TESPA1: variants seen among roughly 807,000 people sequenced by gnomAD.
The protein encoded by TESPA1 is thymocyte expressed, positive selection associated 1, also known as protein TESPA1.
In TESPA1, 33 loss-of-function variants were observed where a neutral mutation model predicts 57.9. The observed-to-expected ratio is 0.57, with a 90% confidence interval of 0.43 to 0.76. The LOEUF (loss-of-function observed/expected upper bound fraction) is 0.76, where lower values mean the gene tolerates loss of function less well. Ranked by LOEUF, TESPA1 falls within the 30% of genes least tolerant of loss-of-function variation. The probability of loss-of-function intolerance (pLI) is 0.00; values close to 1 mark genes in which losing one functional copy is unlikely to be tolerated. For missense variants in TESPA1, 618 were observed against 632.9 expected (o/e 0.98, Z 0.25); for synonymous variants, 227 against 228.9 (o/e 0.99, Z 0.07).
intron 10 of TESPA1, among the ~76,000 whole-genome samples, chr12:54,951,786 C>T (rs927480269): frequency 2.0e-5 from 3 of 151,558 alleles, no homozygotes; most frequent in Admixed American, 6.6e-5. Flanking sequence ...TTTTTCTAAT[C>T]AATATTGCTC....
intron 10 of TESPA1, among the ~76,000 whole-genome samples, chr12:54,956,427 G>T (rs143684311): frequency 6.6e-6 from 1 of 152,288 alleles, no homozygotes; most frequent in African/African-American, 2.4e-5. Flanking sequence ...CTTTCTCCTT[G>T]GCTCTGCCGC....
intron 1 of TESPA1, among the ~76,000 whole-genome samples, chr12:54,975,787 A>C (rs967968082): frequency 6.6e-6 from 1 of 152,236 alleles, no homozygotes; most frequent in African/African-American, 2.4e-5. Flanking sequence ...CATCCAACAA[A>C]ATAGGCATTA....
intron 10 of TESPA1, among the ~76,000 whole-genome samples, chr12:54,957,750 G>A (rs1035746500): frequency 2.6e-5 from 4 of 152,136 alleles, no homozygotes; most frequent in African/African-American, 9.7e-5. Flanking sequence ...TAACTTACTT[G>A]AGAGAAAAAG....
intron 10 of TESPA1, among the ~76,000 whole-genome samples, chr12:54,960,143 T>C (rs138074750): frequency 6.6e-6 from 1 of 152,360 alleles, no homozygotes; most frequent in East Asian, 1.9e-4. Flanking sequence ...AAGATTTATT[T>C]ACTTAATTCA....
chr12:54,951,863 A>G (rs72648122), intron 10 of TESPA1, among the ~76,000 whole-genome samples: 29,785 of 144,688 alleles, frequency 0.21, 5,045 homozygotes, highest in East Asian at 0.83. Flanking sequence ...TTTTTTTTTT[A>G]CTTCAGATTC....
intron 5 of TESPA1, among the ~76,000 whole-genome samples, chr12:54,966,735 T>TC (rs1436944286): frequency 5.3e-5 from 8 of 152,158 alleles, no homozygotes; most frequent in African/African-American, 1.9e-4. Flanking sequence ...AGTGTTCCTG[T>TC]CCCCCTACAC....
chr12:54,970,070 G>T (rs1951734647), intron 3 of TESPA1, among the ~76,000 whole-genome samples: 1 of 152,146 alleles, frequency 6.6e-6, no homozygotes, highest in Non-Finnish European at 1.5e-5. Context: ...AGGACTAAAG[G>T]TGCTGCCATG....
At chr12:54,977,483 G>A (rs566481240) in intron 1 of TESPA1, among the ~76,000 whole-genome samples, 162 of 152,322 alleles carry the variant, frequency 1.1e-3, no homozygotes, top group African/African-American at 3.7e-3. Flanking sequence ...TGAGAACAAA[G>A]ATTGCATTTT....
intron 1 of TESPA1, 130 bp from the exon 2 acceptor site, chr12:54,974,737 G>T: frequency 3.8e-6 from 2 of 521,552 alleles, no homozygotes; most frequent in Non-Finnish European, 6.0e-6. Flanking sequence ...CAAAAGCAGG[G>T]AGGACATGCC....
intron 1 of TESPA1, among the ~76,000 whole-genome samples, chr12:54,979,070 C>T (rs1396168350): frequency 6.6e-6 from 1 of 152,150 alleles, no homozygotes; most frequent in African/African-American, 2.4e-5. Flanking sequence ...GGCCTTGGAT[C>T]CTAATGTACA....
intron 10 of TESPA1, among the ~76,000 whole-genome samples, chr12:54,951,794 C>T (rs1950410600): frequency 1.3e-5 from 2 of 151,686 alleles, no homozygotes; most frequent in Admixed American, 1.3e-4. Flanking sequence ...ATCAATATTG[C>T]TCCTTTATAT....
chr12:54,969,021 G>GTGTGTATA (rs370590552), intron 3 of TESPA1, among the ~76,000 whole-genome samples: 1 of 83,676 alleles, frequency 1.2e-5, no homozygotes, highest in African/African-American at 4.6e-5. Flanking sequence ...ATTTATATAT[G>GTGTGTATA]TATATATATA....
At chr12:54,980,420 C>T (rs983838599) in intron 1 of TESPA1, among the ~76,000 whole-genome samples, 6 of 152,166 alleles carry the variant, frequency 3.9e-5, no homozygotes, top group Non-Finnish European at 7.3e-5. Context: ...AGGAGAGAAT[C>T]TGCCTGGAAT....
Position 54,973,484 on chromosome 12 carries a change from C to G in TESPA1, c.199G>C (p.Asp67His), listed in dbSNP as rs1274769108. The G allele has an allele frequency of 6.2e-7, 1 of 1,613,992 alleles. No individual in the cohort carries two copies. The change falls in exon 3 of 11, where the codon GAT becomes CAT. Residue 67 changes from aspartate (D) to histidine (H), a missense_variant. Coordinates refer to ENST00000449076, the MANE Select transcript of TESPA1 (RefSeq NM_001136030.3). The stretch of plus-strand genomic sequence containing the variant: ...TGCCTGTCCAGCACTTACCCGCAAT[C>G]CTGCAGCCAGTCTTCAATTTTATTG... ...PINKIEDWLQDCGYSEEGFSE... is the reference protein window; with the variant it reads ...PINKIEDWLQHCGYSEEGFSE...
At position 54,949,044 on chromosome 12, in the gene TESPA1, C is replaced by A. The variant is rs1200804080; in HGVS notation, c.*1348G>T. The A allele has an allele frequency of 1.3e-5, 2 of 152,020 alleles. No individual in the cohort carries two copies. Among genetic ancestry groups the A allele is most frequent in the Non-Finnish European group, 2.9e-5 (2 of 68,024 alleles). 9.4% of individuals were successfully genotyped at this position (152,020 alleles called of 1,614,324 possible). A position where few individuals can be genotyped will look rare whatever the true frequency, so the allele number is the denominator to read the frequency against. ...GTTAACATCAAGGAAGATAGTTCCC[C>A]TGTCTCCTGGTTTCTGTGGGTGGGA... On this transcript the variant is annotated 3_prime_UTR_variant, in exon 11 of 11. Transcript: ENST00000449076.
intron 2 of TESPA1, 53 bp from the exon 3 acceptor site, chr12:54,973,572 C>T (rs1425755654): frequency 4.3e-6 from 7 of 1,613,214 alleles, no homozygotes; most frequent in Non-Finnish European, 5.9e-6. Context: ...ATCAGACCTC[C>T]TCCCTGCAAC....
In TESPA1 at chr12:54,948,917, G is replaced by T. The variant is rs1433367099; in HGVS notation, c.*1475C>A. ...TATTTGCTTTAGAAAATTTGCTGTA[G>T]TTCTTTCTATTTCTTGAGATCTAAA... On this transcript the variant is annotated 3_prime_UTR_variant, in exon 11 of 11. Transcript: ENST00000449076. 1 of 152,118 alleles carries T rather than the reference G, an allele frequency of 6.6e-6. No individual in the cohort carries two copies. Among genetic ancestry groups the T allele is most frequent in the African/African-American group, 2.4e-5 (1 of 41,414 alleles). The allele number at this position is 152,118 out of a possible 1,614,324, so 9.4% of individuals were successfully genotyped here.
chr12:54,962,900 T>A lies in TESPA1; in HGVS notation c.998A>T (p.Asp333Val), dbSNP rs1280746897. ...CTGTGAGAATTGCCCCAAATCAGAG[T>A]CTTGCTGGAGGAACTGCTTCTCTTC... The part of the protein sequence containing the change: ...VKEEKQFLQQ[D>V]SDLGQFSQED... Residue 333 changes from aspartate to valine, a missense_variant, in exon 9 of 11, where the codon GAC (aspartate) becomes GTC (valine). Transcript: ENST00000449076. 7.4e-6 allele frequency: 12 copies of A among 1,613,504 alleles called. No homozygotes were observed. The highest frequency in any genetic ancestry group is 9.3e-6 in the Non-Finnish European group (11 of 1,179,730).
At chr12:54,983,588 G>T (rs1175129737) in intron 1 of TESPA1, among the ~76,000 whole-genome samples, 1 of 152,232 alleles carries the variant, frequency 6.6e-6, no homozygotes, top group South Asian at 2.1e-4. Flanking sequence ...ACCATTTGTG[G>T]TATACAGAGT....
Sources: gnomAD v4.1 joint callset for allele counts (sites outside exome capture counted in the v4.1 genomes callset) on GRCh38, gnomAD v4.1.1 for gene constraint, MANE v1.5 for transcripts, NCBI Gene and HGNC (gene_info 2026-07-23, HGNC 2026-07-21) for gene names.